CLCN6: variants seen among roughly 807,000 people sequenced by gnomAD.
CLCN6 encodes H(+)/Cl(-) exchange transporter 6.
A neutral mutation model predicts 109.8 loss-of-function variants in CLCN6; 70 were observed. The observed-to-expected ratio is 0.64, with a 90% CI of 0.53 to 0.78. CLCN6 has a LOEUF of 0.78. Ranked by LOEUF, CLCN6 falls within the 30% of genes least tolerant of loss-of-function variation. The pLI is 0.00. For synonymous variants in CLCN6, 444 were observed against 447.8 expected, an observed-to-expected ratio of 0.99 and a Z score of 0.11; for missense variants, 984 against 1,142.3, an observed-to-expected ratio of 0.86 and a Z score of 2.00.
At chr1:11,820,250 C>T (rs751192628) in intron 5 of CLCN6, 7 of 627,504 alleles carry the variant, frequency 1.1e-5, no homozygotes, top group African/African-American at 1.8e-5. Flanking sequence ...TGTAATGCAC[C>T]ATGACTGTGC....
rs773042242 is a variant in CLCN6, at chr1:11,834,240, A to G, written c.1531A>G (p.Ile511Val). 61 of 1,612,200 alleles carry G rather than the reference A, an allele frequency of 3.8e-5. No homozygotes were observed. The highest frequency in any genetic ancestry group is 4.6e-5 in the Non-Finnish European group (54 of 1,179,160). Residue 511 changes from isoleucine (I) to valine (V), a missense_variant, in exon 16 of 23, where the codon ATT becomes GTT. Transcript: ENST00000346436. This position sits in a 1 kb window ranked among gnomAD's most constrained non-coding sequence, Gnocchi z 4.5. ...CTCGGTGTTTTCCTTCACTAGCTAC[A>G]TTGGATTGGGCCACATCTATTCGGG... is the stretch of plus-strand genomic sequence containing the variant. ...RLVANVLKSY[I>V]GLGHIYSGTF...
intron 20 of CLCN6, 96 bp from the exon 21 acceptor site, chr1:11,838,239 A>T: frequency 9.2e-7 from 1 of 1,086,002 alleles, no homozygotes; most frequent in Non-Finnish European, 1.4e-6. Context: ...AGCAGCCTGG[A>T]GCTGGGCATA....
At chr1:11,840,099 C>A in intron 22 of CLCN6, 44 bp from the exon 23 acceptor site, 1 of 1,530,040 alleles carries the variant, frequency 6.5e-7, no homozygotes, top group Non-Finnish European at 9.1e-7. Context: ...TTCTCGCCAG[C>A]GGGTTTTACC....
intron 13 of CLCN6, 91 bp from the exon 14 acceptor site, chr1:11,833,424 A>G (rs1644903995): frequency 1.5e-6 from 2 of 1,298,534 alleles, no homozygotes; most frequent in African/African-American, 2.9e-5. Flanking sequence ...AAAGCTGTGC[A>G]GCCACCTGTT....
At chr1:11,827,387 C>G (rs1399512528) in intron 10 of CLCN6, among the ~76,000 whole-genome samples, 166 bp downstream of exon 10, 1 of 150,066 alleles carries the variant, frequency 6.7e-6, no homozygotes, top group East Asian at 2.0e-4. Context: ...TTCTGTACTT[C>G]TCATATCAAT....
chr1:11,823,438 T>C (rs1237362355), intron 6 of CLCN6, among the ~76,000 whole-genome samples: 2 of 151,530 alleles, frequency 1.3e-5, no homozygotes, highest in African/African-American at 4.9e-5. Flanking sequence ...GATTGTGCCA[T>C]TGCACTCCAG....
rs956623245 is a variant in CLCN6 at position 11,841,273 on chromosome 1, C to G, written c.*1050C>G. On this transcript the variant is annotated 3_prime_UTR_variant, in exon 23 of 23. Coordinates refer to ENST00000346436, the MANE Select transcript of CLCN6 (RefSeq NM_001286.5). ...GGGTGTCTGCCCTTCACAAACACCT[C>G]TCTCTCCCCTGCACTAGCTGTCCCA... 3.3e-5 allele frequency: 5 copies of G among 152,816 alleles called. No homozygotes were observed. Among genetic ancestry groups the G allele is most frequent in the African/African-American group, 9.6e-5 (4 of 41,588 alleles). 9.5% of individuals were successfully genotyped at this position (152,816 alleles called of 1,614,324 possible).
intron 13 of CLCN6, among the ~76,000 whole-genome samples, chr1:11,832,979 GC>G (rs143685217): frequency 0.01 from 1,559 of 151,272 alleles, 15 homozygotes; most frequent in African/African-American, 0.022. Flanking sequence ...TGCTCTCCAG[GC>G]ATTATGGAGG....
rs377725180 is a variant in CLCN6, at chr1:11,837,191, G to A, written c.2138+35G>A. The A allele has an allele frequency of 4.3e-6, 7 of 1,610,134 alleles. No homozygotes were observed. The African/African-American group carries it at 9.3e-5, about 21-fold the overall frequency. ...TGGCGGGGCCCCCACTGCCCGCAGG[G>A]CTACACAGCGGTGGGGTGAGCCTTT... is the stretch of plus-strand genomic sequence containing the variant. On this transcript the variant is annotated intron_variant, in intron 19 of 22. Coordinates refer to ENST00000346436, the MANE Select transcript of CLCN6 (RefSeq NM_001286.5).
At chr1:11,816,961 G>C (rs1333223750) in intron 4 of CLCN6, among the ~76,000 whole-genome samples, 1 of 151,886 alleles carries the variant, frequency 6.6e-6, no homozygotes, top group African/African-American at 2.4e-5. Context: ...TCAAAGGTTT[G>C]GGCAGGACTT....
chr1:11,814,246 T>G lies in CLCN6; in HGVS notation c.148-1600T>G, dbSNP rs1340682090. Among the ~76,000 whole-genome samples the G allele has an allele frequency of 2.0e-5, 3 of 147,316 alleles. No homozygotes were observed. In the East Asian group the frequency reaches 5.9e-4, roughly 29 times the overall value. On this transcript the variant is annotated intron_variant, in intron 2 of 22. Transcript: ENST00000346436. ...TTTTCTTTGTTGCCAAACTGCTGCG[T>G]CTTTTTTTTTTTTTTTTTTGAGAGT...
In CLCN6 at chr1:11,834,083, CGT is replaced by C. The variant is rs1203444788; in HGVS notation, c.1526+58_1526+59del. 3.7e-6 allele frequency: 6 copies of C among 1,601,144 alleles called. No individual in the cohort carries two copies. The highest frequency in any genetic ancestry group is 4.3e-6 in the Non-Finnish European group (5 of 1,173,744). On this transcript the variant is annotated intron_variant, in intron 15 of 22. Coordinates refer to ENST00000346436, the MANE Select transcript of CLCN6 (RefSeq NM_001286.5). The surrounding 1 kb of genome is among the most constrained non-coding windows in gnomAD (Gnocchi z 4.5). ...GCATGTGCATGTGTGTGCACGTGTG[CGT>C]GTGTATGCATGTGTGTGCGTGTGCG...
intron 2 of CLCN6, among the ~76,000 whole-genome samples, chr1:11,808,401 C>T (rs565999405): frequency 6.6e-6 from 1 of 152,086 alleles, no homozygotes; most frequent in Non-Finnish European, 1.5e-5. Context: ...GCCGCCCTTC[C>T]CATGTTATTT....
chr1:11,837,073 G>T lies in CLCN6; in HGVS notation c.2055G>T (p.Glu685Asp). The T allele has an allele frequency of 1.9e-6, 3 of 1,613,506 alleles. No homozygotes were observed. The highest frequency in any genetic ancestry group is 2.5e-6 in the Non-Finnish European group (3 of 1,180,040). Residue 685 changes from glutamate to aspartate, a missense_variant, in exon 19 of 23, where the codon GAG becomes GAT. Glu to Asp is a conservative substitution (Grantham distance 45). Coordinates refer to ENST00000346436, the MANE Select transcript of CLCN6 (RefSeq NM_001286.5). ...CCATGAAGTCCTACCCATCCAGCGA[G>T]CTACGGAACATGTGTGATGAGCACA... Reference protein sequence around the residue: ...SQSMKSYPSSELRNMCDEHIA... With the variant: ...SQSMKSYPSSDLRNMCDEHIA...
chr1:11,807,237 T>C (rs760087354), intron 2 of CLCN6, 47 bp downstream of exon 2: 1 of 1,530,944 alleles, frequency 6.5e-7, no homozygotes, highest in Non-Finnish European at 9.1e-7. Flanking sequence ...GTGAGTGGCC[T>C]GGTCACTTCA....
At position 11,807,480 on chromosome 1, in the gene CLCN6, T is replaced by G. The variant is rs1001126997; in HGVS notation, c.147+290T>G. The stretch of plus-strand genomic sequence containing the variant: ...TGCTTTTACAGCTTACAGAGAGACT[T>G]AGAGTGAAAGGCACTGGCAGGCAGT... On this transcript the variant is annotated intron_variant, in intron 2 of 22. Transcript: ENST00000346436. Among the ~76,000 whole-genome samples, 4 of 152,326 alleles carry G rather than the reference T, an allele frequency of 2.6e-5. No homozygotes were observed. In the East Asian group the frequency reaches 5.8e-4, roughly 22 times the overall value.
Position 11,831,171 on chromosome 1 carries a change from G to T in CLCN6, c.1248+1849G>T, listed in dbSNP as rs200832030. ...TGTTTTTGTTTTTGTTTTTGTTTTTGTTTTTGGCAAAGTCTCACTCTGTTG... is the reference window on the plus strand; with the variant it reads ...TGTTTTTGTTTTTGTTTTTGTTTTTTTTTTTGGCAAAGTCTCACTCTGTTG... On this transcript the variant is annotated intron_variant, in intron 13 of 22. Transcript: ENST00000346436. Among the ~76,000 whole-genome samples the T allele has an allele frequency of 1.1e-3, 57 of 51,638 alleles. 1 individual carries two copies. Among genetic ancestry groups the T allele is most frequent in the African/African-American group, 4.6e-3 (46 of 10,082 alleles). The allele number at this position is 51,638 out of a possible 152,430, so 33.9% of individuals were successfully genotyped here.
chr1:11,833,669 G>A (rs750639002), intron 14 of CLCN6, 31 bp downstream of exon 14: 25 of 1,611,570 alleles, frequency 1.6e-5, no homozygotes, highest in Middle Eastern at 1.6e-4. Context: ...CCAATCGTGG[G>A]TGATTGGTGT....
At position 11,837,338 on chromosome 1, in the gene CLCN6, A is replaced by G. The variant is rs1207433387; in HGVS notation, c.2139-5A>G. On this transcript the variant is annotated splice_region_variant and splice_polypyrimidine_tract_variant and intron_variant, in intron 19 of 22. Transcript: ENST00000346436. ...CCCAGGCAGCATCTGGTTTTTGTGTAACAGATACACTCCCTACCCCAACCT... is the reference window on the plus strand; with the variant it reads ...CCCAGGCAGCATCTGGTTTTTGTGTGACAGATACACTCCCTACCCCAACCT... 6.2e-7 allele frequency: 1 copy of G among 1,605,628 alleles called. No individual in the cohort carries two copies. Among genetic ancestry groups the G allele is most frequent in the Non-Finnish European group, 8.5e-7 (1 of 1,173,032 alleles).
Sources: gnomAD v4.1 joint callset for allele counts (sites outside exome capture counted in the v4.1 genomes callset) on GRCh38, gnomAD v4.1.1 for gene constraint, Gnocchi (gnomAD v3.1) non-coding constraint, MANE v1.5 for transcripts, NCBI Gene and HGNC (gene_info 2026-07-23, HGNC 2026-07-21) for gene names.